RALGAPA2: variants seen among roughly 807,000 people sequenced by gnomAD.
RALGAPA2 encodes Ral GTPase activating protein catalytic subunit alpha 2.
A neutral mutation model predicts 230.4 loss-of-function variants in RALGAPA2; 139 were observed. The observed-to-expected ratio is 0.60, with a 90% CI of 0.53 to 0.69. The LOEUF (loss-of-function observed/expected upper bound fraction) is 0.69, where lower values mean the gene tolerates loss of function less well. Among genes scored for constraint, RALGAPA2 ranks in the 30% least tolerant of loss-of-function variants. The pLI is 0.00. For synonymous variants in RALGAPA2, 847 were observed against 837.8 expected (o/e 1.01, Z -0.19); for missense variants, 2,163 against 2,276.0 (o/e 0.95, Z 1.01).
chr20:20,597,175 C>T (rs767989198), intron 16 of RALGAPA2, among the ~76,000 whole-genome samples: 5 of 152,084 alleles, frequency 3.3e-5, no homozygotes, highest in African/African-American at 1.2e-4. Context: ...TGGACTGTGA[C>T]ATAAGAAAAC....
At chr20:20,494,816 AT>A (rs1252666400) in intron 36 of RALGAPA2, among the ~76,000 whole-genome samples, 3 of 152,194 alleles carry the variant, frequency 2.0e-5, no homozygotes, top group Non-Finnish European at 2.9e-5. Context: ...TCAAGATACA[AT>A]TTTTCAAAAG....
intron 37 of RALGAPA2, among the ~76,000 whole-genome samples, chr20:20,432,547 G>A (rs1324146646): frequency 6.6e-6 from 1 of 152,134 alleles, no homozygotes; most frequent in Admixed American, 6.6e-5. Context: ...ATCCCCCTGA[G>A]TGGAAGAAAA....
At chr20:20,527,398 C>G (rs578011507) in intron 27 of RALGAPA2, among the ~76,000 whole-genome samples, 1 of 152,186 alleles carries the variant, frequency 6.6e-6, no homozygotes, top group Non-Finnish European at 1.5e-5. Flanking sequence ...GACCTCACAT[C>G]CCAGATGACC....
chr20:20,602,975 A>G (rs2065705602), intron 15 of RALGAPA2, among the ~76,000 whole-genome samples: 1 of 152,152 alleles, frequency 6.6e-6, no homozygotes, highest in Non-Finnish European at 1.5e-5. Flanking sequence ...CTGGGCTGAG[A>G]ACGACTGTCT....
intron 37 of RALGAPA2, among the ~76,000 whole-genome samples, chr20:20,469,191 C>T (rs2061487882): frequency 6.6e-6 from 1 of 151,960 alleles, no homozygotes; most frequent in African/African-American, 2.4e-5. Flanking sequence ...TGCTGCCCGG[C>T]AAAATAGAAC....
intron 9 of RALGAPA2, among the ~76,000 whole-genome samples, chr20:20,630,887 G>T (rs919544881): frequency 1.3e-5 from 2 of 151,598 alleles, no homozygotes; most frequent in Non-Finnish European, 2.9e-5. Flanking sequence ...GTGACTTTTT[G>T]ACCTATAACT....
chr20:20,646,508 G>A (rs1315192011), intron 4 of RALGAPA2, among the ~76,000 whole-genome samples: 1 of 152,066 alleles, frequency 6.6e-6, no homozygotes, highest in African/African-American at 2.4e-5. Context: ...TTGACCATGG[G>A]AATAACTGAA....
At chr20:20,495,381 A>C in intron 35 of RALGAPA2, 106 bp from the exon 36 acceptor site, 1 of 984,762 alleles carries the variant, frequency 1.0e-6, no homozygotes, top group Non-Finnish European at 1.4e-6. Flanking sequence ...AAAAAATTTC[A>C]CTACCAAAAA....
At chr20:20,537,788 T>C (rs1160697249) in intron 24 of RALGAPA2, among the ~76,000 whole-genome samples, 1 of 152,190 alleles carries the variant, frequency 6.6e-6, no homozygotes, top group African/African-American at 2.4e-5. Flanking sequence ...AGCTCACATT[T>C]AAGGAGTTCT....
intron 10 of RALGAPA2, among the ~76,000 whole-genome samples, chr20:20,625,362 A>T (rs2146383277): frequency 6.6e-6 from 1 of 152,290 alleles, no homozygotes; most frequent in Admixed American, 6.5e-5. Flanking sequence ...GTTTCGAGGG[A>T]TTTGCTTTTG....
At chr20:20,442,468 C>A (rs868729269) in intron 37 of RALGAPA2, among the ~76,000 whole-genome samples, 1 of 152,226 alleles carries the variant, frequency 6.6e-6, no homozygotes, top group Non-Finnish European at 1.5e-5. Context: ...TGGAATAGCA[C>A]AAACAAATTA....
rs772089136 is a variant in RALGAPA2, at chr20:20,465,197, A to ACACACACACACACTCT, written c.5495+7631_5495+7632insAGAGTGTGTGTGTGTG. On this transcript the variant is annotated intron_variant, in intron 37 of 39. Transcript: ENST00000202677. ...CACACACACACACACACACACACAC[A>ACACACACACACACTCT]CTCTCTCATACTAGGGGACAGCAGC... is the stretch of plus-strand genomic sequence containing the variant. Among the ~76,000 whole-genome samples the ACACACACACACACTCT allele has an allele frequency of 9.4e-4, 138 of 147,412 alleles. 1 individual carries two copies. Among genetic ancestry groups the ACACACACACACACTCT allele is most frequent in the Admixed American group, 7.8e-3 (115 of 14,706 alleles).
intron 24 of RALGAPA2, among the ~76,000 whole-genome samples, chr20:20,544,979 T>C (rs1386176073): frequency 6.6e-6 from 1 of 151,884 alleles, no homozygotes; most frequent in African/African-American, 2.4e-5. Flanking sequence ...TGTAACAAAC[T>C]TGCACGTTCT....
chr20:20,529,174 A>C (rs1163218988), intron 27 of RALGAPA2, among the ~76,000 whole-genome samples: 1 of 152,180 alleles, frequency 6.6e-6, no homozygotes, highest in Non-Finnish European at 1.5e-5. Context: ...ATAATGGTTA[A>C]AGACAGAACA....
intron 23 of RALGAPA2, among the ~76,000 whole-genome samples, chr20:20,552,640 A>G (rs1036157492): frequency 1.2e-4 from 18 of 152,204 alleles, no homozygotes; most frequent in Non-Finnish European, 2.2e-4. Context: ...CATACTATAT[A>G]TGAATATAAT....
intron 16 of RALGAPA2, among the ~76,000 whole-genome samples, chr20:20,594,215 T>C (rs992557938): frequency 6.6e-6 from 1 of 152,236 alleles, no homozygotes; most frequent in Non-Finnish European, 1.5e-5. Flanking sequence ...AGTATATTTA[T>C]TGGGATTTTC....
At chr20:20,463,341 G>A (rs1049577215) in intron 37 of RALGAPA2, among the ~76,000 whole-genome samples, 6 of 152,134 alleles carry the variant, frequency 3.9e-5, no homozygotes, top group African/African-American at 1.4e-4. Flanking sequence ...TTGAGTAAGT[G>A]ATTTGGCATG....
At chr20:20,612,907 A>G (rs2066018438) in intron 13 of RALGAPA2, among the ~76,000 whole-genome samples, 1 of 152,128 alleles carries the variant, frequency 6.6e-6, no homozygotes, top group Non-Finnish European at 1.5e-5. Flanking sequence ...CTTACACACA[A>G]CTAGTTACAG....
chr20:20,534,451 A>C (rs555702548), intron 26 of RALGAPA2, among the ~76,000 whole-genome samples: 1 of 152,236 alleles, frequency 6.6e-6, no homozygotes, highest in Non-Finnish European at 1.5e-5. Context: ...TCTCAAAAAA[A>C]AAAAAAGATA....
Sources: allele counts gnomAD v4.1 joint callset (sites outside exome capture counted in the v4.1 genomes callset), GRCh38; gene constraint gnomAD v4.1.1; transcripts MANE v1.5; gene names NCBI Gene and HGNC (gene_info 2026-07-23, HGNC 2026-07-21).